Variants in GALK2 observed in about 807,000 individuals in gnomAD.
GALK2 encodes the protein galactokinase 2.
GALK2 carries 36 observed loss-of-function variants against 52.4 expected under a neutral mutation model. That is an observed-to-expected ratio of 0.69 (90% CI 0.53 to 0.91). The LOEUF is 0.91. GALK2 is among the 40% of genes least tolerant of loss of function. The pLI, the probability that GALK2 is intolerant of heterozygous loss-of-function variation, is 0.00. For missense variants in GALK2, 579 were observed against 559.1 expected, an observed-to-expected ratio of 1.04 and a Z score of -0.36; for synonymous variants, 176 against 199.1, an observed-to-expected ratio of 0.88 and a Z score of 0.98.
chr15:49,230,478 C>T (rs1283179704), intron 3 of GALK2, among the ~76,000 whole-genome samples: 2 of 152,180 alleles, frequency 1.3e-5, no homozygotes, highest in Non-Finnish European at 2.9e-5. Context: ...TGTTCCTTGT[C>T]ACTTCTTGTT....
intron 5 of GALK2, among the ~76,000 whole-genome samples, chr15:49,281,483 T>C (rs1196116558): frequency 6.6e-6 from 1 of 152,220 alleles, no homozygotes; most frequent in Admixed American, 6.5e-5. Context: ...ATGAGCCTGA[T>C]GAGATGACAC....
intron 3 of GALK2, chr15:49,367,417 T>C (rs2045392656): frequency 1.3e-6 from 2 of 1,497,588 alleles, no homozygotes; most frequent in Non-Finnish European, 1.8e-6. Flanking sequence ...TTGAAAGAAA[T>C]TATATTAAAG....
At chr15:49,360,460 A>G (rs1013940301) in intron 3 of GALK2, among the ~76,000 whole-genome samples, 3 of 152,148 alleles carry the variant, frequency 2.0e-5, no homozygotes, top group Admixed American at 6.5e-5. Context: ...TGAGTTTTCA[A>G]TTTTTTAAAT....
chr15:49,196,877 G>T (rs1454468040), intron 1 of GALK2, among the ~76,000 whole-genome samples: 2 of 152,212 alleles, frequency 1.3e-5, no homozygotes, highest in Non-Finnish European at 2.9e-5. Context: ...ATCACTTGAA[G>T]CCAGAAGTTT....
chr15:49,281,105 G>A (rs937690193), intron 5 of GALK2, among the ~76,000 whole-genome samples: 1 of 152,232 alleles, frequency 6.6e-6, no homozygotes, highest in Non-Finnish European at 1.5e-5. Context: ...AAAGTGCTGG[G>A]ATTACAGGCG....
chr15:49,312,895 T>G (rs1186070391), intron 8 of GALK2, among the ~76,000 whole-genome samples: 2 of 152,218 alleles, frequency 1.3e-5, no homozygotes, highest in African/African-American at 2.4e-5. Context: ...AGGTGATATT[T>G]GATAGCAACA....
chr15:49,334,752 A>G (rs1248172601), downstream of GALK2, among the ~76,000 whole-genome samples: 1 of 152,160 alleles, frequency 6.6e-6, no homozygotes, highest in Non-Finnish European at 1.5e-5. Flanking sequence ...CTCCTTGGAC[A>G]GCAGGAGGCA....
chr15:49,299,881 A>T (rs1208663168), intron 8 of GALK2, among the ~76,000 whole-genome samples: 1 of 150,484 alleles, frequency 6.6e-6, no homozygotes, highest in Non-Finnish European at 1.5e-5. Context: ...GGTCAGTCTT[A>T]TAATACGTGC....
At chr15:49,335,214 T>C (rs2039495722), downstream of GALK2, among the ~76,000 whole-genome samples, 1 of 152,140 alleles carries the variant, frequency 6.6e-6, no homozygotes, top group Non-Finnish European at 1.5e-5. Context: ...GCTTCCTTCC[T>C]TTCTTCTGTC....
intron 2 of GALK2, among the ~76,000 whole-genome samples, chr15:49,206,123 T>C (rs1329429190): frequency 6.6e-6 from 1 of 152,204 alleles, no homozygotes; most frequent in Middle Eastern, 3.2e-3. Context: ...CACGCTGTTT[T>C]GGTTGACTAT....
At chr15:49,193,592 TGTA>T (rs2086947917) in intron 1 of GALK2, among the ~76,000 whole-genome samples, 1 of 152,080 alleles carries the variant, frequency 6.6e-6, no homozygotes, top group South Asian at 2.1e-4. Context: ...TCTAGTTTTC[TGTA>T]GTTTCTTTTT....
At chr15:49,363,574 G>A (rs566187226) in intron 3 of GALK2, among the ~76,000 whole-genome samples, 1 of 152,258 alleles carries the variant, frequency 6.6e-6, no homozygotes, top group South Asian at 2.1e-4. Context: ...TATAAACAAG[G>A]ATAGTTTAAC....
intron 9 of GALK2, among the ~76,000 whole-genome samples, chr15:49,326,412 C>T (rs928547276): frequency 3.3e-5 from 5 of 151,686 alleles, no homozygotes; most frequent in African/African-American, 9.7e-5. Flanking sequence ...GGTGTGCACC[C>T]GGCTAATTTT....
At chr15:49,322,972 A>G (rs2037021769) in intron 9 of GALK2, among the ~76,000 whole-genome samples, 1 of 151,602 alleles carries the variant, frequency 6.6e-6, no homozygotes, top group Non-Finnish European at 1.5e-5. Flanking sequence ...AAAAAAAAAA[A>G]AAAAGAAAAA....
At position 49,221,467 on chromosome 15, in the gene GALK2, AC is replaced by A. The variant is rs2089786358; in HGVS notation, c.266+4156del. ...GATCACCTGAGGTCAGGAGTTTGAGACCAGCCTGGCCAACATGATGAAGCCC... is the reference window on the plus strand; with the variant it reads ...GATCACCTGAGGTCAGGAGTTTGAGACAGCCTGGCCAACATGATGAAGCCC... On this transcript the variant is annotated intron_variant, in intron 3 of 9. Transcript: ENST00000560031. Among the ~76,000 whole-genome samples, 3 of 152,096 alleles carry A rather than the reference AC, an allele frequency of 2.0e-5. No homozygotes were observed. In the South Asian group the frequency reaches 6.2e-4, roughly 32 times the overall value.
intron 5 of GALK2, among the ~76,000 whole-genome samples, chr15:49,252,481 A>G (rs1267732511): frequency 6.6e-6 from 1 of 152,170 alleles, no homozygotes; most frequent in Non-Finnish European, 1.5e-5. Context: ...TGGCCTGACT[A>G]TTGGACATTT....
intron 5 of GALK2, among the ~76,000 whole-genome samples, chr15:49,271,211 G>T (rs1372301417): frequency 6.6e-6 from 1 of 152,180 alleles, no homozygotes; most frequent in African/African-American, 2.4e-5. Flanking sequence ...TAGTAGCTGT[G>T]ACTTGGGTCA....
At chr15:49,343,367 C>T (rs1424047099) in intron 3 of GALK2, among the ~76,000 whole-genome samples, 1 of 151,930 alleles carries the variant, frequency 6.6e-6, no homozygotes, top group Non-Finnish European at 1.5e-5. Flanking sequence ...TTTTGAATTC[C>T]AGAAGCTCTG....
chr15:49,284,180 C>T (rs2033080608), intron 7 of GALK2, among the ~76,000 whole-genome samples: 1 of 152,134 alleles, frequency 6.6e-6, no homozygotes, highest in Non-Finnish European at 1.5e-5. Context: ...TACATGTCTA[C>T]TAGGGAAACA....
Sources: gnomAD v4.1 joint callset for allele counts (sites outside exome capture counted in the v4.1 genomes callset) on GRCh38, gnomAD v4.1.1 for gene constraint, MANE v1.5 for transcripts, NCBI Gene and HGNC (gene_info 2026-07-23, HGNC 2026-07-21) for gene names.